NDRG1: variants seen among roughly 807,000 people sequenced by gnomAD.
NDRG1 encodes the protein N-myc downstream regulated 1.
In NDRG1, 32 loss-of-function variants were observed where a neutral mutation model predicts 56.9. That is an observed-to-expected ratio of 0.56 (90% CI 0.42 to 0.76). NDRG1 has a LOEUF of 0.76. Ranked by LOEUF, NDRG1 falls within the 30% of genes least tolerant of loss-of-function variation. The pLI is 0.00. For synonymous variants in NDRG1, 211 were observed against 204.1 expected (o/e 1.03, Z -0.29); for missense variants, 507 against 545.7 (o/e 0.93, Z 0.71).
chr8:133,267,914 AC>A (rs1463064245), intron 3 of NDRG1, among the ~76,000 whole-genome samples: 5 of 152,292 alleles, frequency 3.3e-5, no homozygotes. Context: ...AGCAGAGGGT[AC>A]TAATGTGGCA....
chr8:133,248,231 T>G (rs908634384), intron 11 of NDRG1, among the ~76,000 whole-genome samples: 2 of 152,110 alleles, frequency 1.3e-5, no homozygotes, highest in Non-Finnish European at 2.9e-5. Context: ...AAGAACAGCA[T>G]GAAGGACAAA....
intron 3 of NDRG1, among the ~76,000 whole-genome samples, chr8:133,270,559 G>T (rs74559434): frequency 0.037 from 5,574 of 152,148 alleles, 360 homozygotes; most frequent in African/African-American, 0.13. Context: ...GGTCAAACTT[G>T]ACCTTTTGAT....
intron 3 of NDRG1, among the ~76,000 whole-genome samples, chr8:133,278,052 G>T (rs988817015): frequency 2.0e-5 from 3 of 152,180 alleles, no homozygotes; most frequent in Admixed American, 6.5e-5. Context: ...CTCCCCTGGG[G>T]AACACAAGGA....
chr8:133,296,381 G>C, intron 1 of NDRG1: 1 of 427,548 alleles, frequency 2.3e-6, no homozygotes. Context: ...CCGCCGATGC[G>C]CCAATCCCGG....
intron 1 of NDRG1, among the ~76,000 whole-genome samples, chr8:133,286,907 G>T (rs921738607): frequency 6.6e-6 from 1 of 152,138 alleles, no homozygotes; most frequent in African/African-American, 2.4e-5. Context: ...TGTTGGTCGC[G>T]TCCTGCAATA....
intron 2 of NDRG1, among the ~76,000 whole-genome samples, chr8:133,282,035 G>C (rs561025505): frequency 6.6e-6 from 1 of 152,186 alleles, no homozygotes; most frequent in Non-Finnish European, 1.5e-5. Flanking sequence ...CTAAGGAATT[G>C]AAAGAAATTT....
At position 133,238,985 on chromosome 8, in the gene NDRG1, T is replaced by C. The variant is rs930720631; in HGVS notation, c.1078A>G (p.Thr360Ala). ...TRSRSHTSEG[T>A]RSRSHTSEGA... ...TCGCTGGTGTGCGAGCGGCTGCGGGTGCCCTCGCTGGTGTGGGAGCGGCTT... is the reference window on the plus strand; with the variant it reads ...TCGCTGGTGTGCGAGCGGCTGCGGGCGCCCTCGCTGGTGTGGGAGCGGCTT... The change falls in exon 16 of 16, where the codon ACC becomes GCC. Residue 360 changes from threonine (T) to alanine (A), a missense_variant. Transcript: ENST00000323851. 5 of 1,591,480 alleles carry C rather than the reference T, an allele frequency of 3.1e-6. No individual in the cohort carries two copies. Among genetic ancestry groups the C allele is most frequent in the Non-Finnish European group, 3.4e-6 (4 of 1,170,758 alleles).
chr8:133,266,415 A>G (rs1856922838), intron 3 of NDRG1, among the ~76,000 whole-genome samples: 1 of 152,244 alleles, frequency 6.6e-6, no homozygotes, highest in Non-Finnish European at 1.5e-5. Context: ...GAGGAAGGTC[A>G]GCGTTCACAA....
At chr8:133,257,902 C>A (rs1401260738) in intron 7 of NDRG1, among the ~76,000 whole-genome samples, 1 of 152,086 alleles carries the variant, frequency 6.6e-6, no homozygotes, top group African/African-American at 2.4e-5. Context: ...AGTATTGTTG[C>A]ATTCTTACAC....
chr8:133,247,101 G>A (rs1261667477), intron 12 of NDRG1, among the ~76,000 whole-genome samples: 1 of 152,138 alleles, frequency 6.6e-6, no homozygotes, highest in Non-Finnish European at 1.5e-5. Context: ...TTTTGTCAGT[G>A]AACCTCTTGA....
At chr8:133,240,354 G>A (rs959925849) in intron 15 of NDRG1, 1 of 152,222 alleles carries the variant, frequency 6.6e-6, no homozygotes, top group African/African-American at 2.4e-5. Flanking sequence ...GATAGGCACA[G>A]GGAGGGGCTT....
chr8:133,269,567 T>C (rs1212644027), intron 3 of NDRG1, among the ~76,000 whole-genome samples: 1 of 152,194 alleles, frequency 6.6e-6, no homozygotes, highest in Non-Finnish European at 1.5e-5. Context: ...TGAGAGAGAT[T>C]AAGGACTTCA....
chr8:133,254,651 G>A, intron 8 of NDRG1, 56 bp from the exon 9 acceptor site: 4 of 1,580,774 alleles, frequency 2.5e-6, no homozygotes, highest in Non-Finnish European at 3.5e-6. Context: ...TAGTTAACAA[G>A]GTCAGCAAAA....
At chr8:133,254,401 T>C (rs916060137) in intron 9 of NDRG1, 138 bp downstream of exon 9, 27 of 734,918 alleles carry the variant, frequency 3.7e-5, no homozygotes, top group South Asian at 2.4e-4. Context: ...TAATGTCACA[T>C]TATCTCATGA....
At chr8:133,287,210 C>T (rs1858169947) in intron 1 of NDRG1, among the ~76,000 whole-genome samples, 1 of 151,954 alleles carries the variant, frequency 6.6e-6, no homozygotes, top group East Asian at 1.9e-4. Flanking sequence ...AGCCAAGGTG[C>T]TTCGGCTCAA....
chr8:133,283,200 C>T (rs949907177), intron 2 of NDRG1, among the ~76,000 whole-genome samples: 7 of 152,214 alleles, frequency 4.6e-5, no homozygotes, highest in African/African-American at 1.7e-4. Context: ...AAAATGAGTA[C>T]GATCACAGAA....
intron 4 of NDRG1, 42 bp downstream of exon 4, chr8:133,264,505 T>A: frequency 6.3e-7 from 1 of 1,592,002 alleles, no homozygotes. Context: ...GCCACTCTCT[T>A]GGGAACCGGC....
chr8:133,293,341 G>C (rs904784985), intron 1 of NDRG1, among the ~76,000 whole-genome samples: 2 of 152,210 alleles, frequency 1.3e-5, no homozygotes, highest in Non-Finnish European at 2.9e-5. Context: ...GTGGATCCAG[G>C]AAACAAGCTC....
intron 3 of NDRG1, among the ~76,000 whole-genome samples, chr8:133,266,493 C>T (rs979367209): frequency 6.6e-6 from 1 of 152,202 alleles, no homozygotes; most frequent in Non-Finnish European, 1.5e-5. Context: ...AAGTCACCTC[C>T]TCCCCAGCTT....
Sources: allele counts gnomAD v4.1 joint callset (sites outside exome capture counted in the v4.1 genomes callset), GRCh38; gene constraint gnomAD v4.1.1; transcripts MANE v1.5; gene names NCBI Gene and HGNC (gene_info 2026-07-23, HGNC 2026-07-21).